The following ARFGEF3 variants were observed in gnomAD, a reference collection of about 807,000 sequenced individuals.
ARFGEF3 encodes brefeldin A-inhibited guanine nucleotide-exchange protein 3.
A neutral mutation model predicts 221.7 loss-of-function variants in ARFGEF3; 96 were observed. The observed-to-expected ratio is 0.43, with a 90% CI of 0.37 to 0.51. The LOEUF (loss-of-function observed/expected upper bound fraction) is 0.51. Ranked by LOEUF, ARFGEF3 falls within the 20% of genes least tolerant of loss-of-function variation. The pLI is 0.00. For synonymous variants in ARFGEF3, 1,145 were observed against 1,126.8 expected, an observed-to-expected ratio of 1.02 and a Z score of -0.32; for missense variants, 2,410 against 2,789.9, an observed-to-expected ratio of 0.86 and a Z score of 3.07.
chr6:138,252,329 T>C (rs2114572013), intron 8 of ARFGEF3, among the ~76,000 whole-genome samples: 1 of 152,356 alleles, frequency 6.6e-6, no homozygotes, highest in East Asian at 1.9e-4. Flanking sequence ...ACAGTATTTT[T>C]AGTGGACAGA....
At chr6:138,182,200 A>G (rs1777090235) in intron 2 of ARFGEF3, among the ~76,000 whole-genome samples, 1 of 152,096 alleles carries the variant, frequency 6.6e-6, no homozygotes, top group Admixed American at 6.5e-5. Context: ...GGGCTGCTGG[A>G]CTCCAAAAAT....
intron 2 of ARFGEF3, among the ~76,000 whole-genome samples, chr6:138,198,272 C>G (rs1777468836): frequency 6.6e-6 from 1 of 152,110 alleles, no homozygotes; most frequent in Admixed American, 6.5e-5. Flanking sequence ...TGAAAGCCTG[C>G]AGGAGAAAAG....
intron 19 of ARFGEF3, among the ~76,000 whole-genome samples, chr6:138,292,456 A>G (rs1779429359): frequency 6.6e-6 from 1 of 152,238 alleles, no homozygotes; most frequent in Non-Finnish European, 1.5e-5. Flanking sequence ...ATCCTCTATT[A>G]TGATTATGGC....
intron 2 of ARFGEF3, among the ~76,000 whole-genome samples, chr6:138,184,002 G>A (rs1035040916): frequency 3.9e-5 from 6 of 152,156 alleles, no homozygotes; most frequent in African/African-American, 1.2e-4. Context: ...CACAGGGCTC[G>A]CTCTCAGAAC....
chr6:138,325,562 G>T (rs1780111900), intron 31 of ARFGEF3, among the ~76,000 whole-genome samples: 1 of 152,242 alleles, frequency 6.6e-6, no homozygotes, highest in South Asian at 2.1e-4. Flanking sequence ...ACTTCTAGCA[G>T]CATGGCAGTT....
intron 26 of ARFGEF3, among the ~76,000 whole-genome samples, chr6:138,314,431 T>G (rs1477169202): frequency 6.6e-6 from 1 of 152,278 alleles, no homozygotes; most frequent in South Asian, 2.1e-4. Flanking sequence ...AGCATTCCAC[T>G]CTGGCCCCCA....
intron 4 of ARFGEF3, among the ~76,000 whole-genome samples, chr6:138,220,897 C>G (rs1034365551): frequency 6.6e-6 from 1 of 152,238 alleles, no homozygotes; most frequent in Admixed American, 6.5e-5. Flanking sequence ...CTAGAATTCA[C>G]TTGAAATAGT....
Position 138,263,057 on chromosome 6 carries a change from C to G in ARFGEF3, c.1574C>G (p.Pro525Arg). The G allele has an allele frequency of 1.2e-6, 2 of 1,612,936 alleles. No individual in the cohort carries two copies. The highest frequency in any genetic ancestry group is 1.7e-6 in the Non-Finnish European group (2 of 1,179,458). ...TLEGELGQTT[P>R]EDHSGNHKNS... is the part of the protein sequence containing the mutation. Reference sequence around the variant, plus strand: ...GAGGGAGAGTTGGGTCAGACTACACCCGAGGACCATTCGGGAAACCACAAG... The same window carrying G: ...GAGGGAGAGTTGGGTCAGACTACACGCGAGGACCATTCGGGAAACCACAAG... The change falls in exon 12 of 34, where the codon CCC becomes CGC. Residue 525 changes from proline to arginine, a missense_variant. This residue lies in a region of ARFGEF3 where 594 missense variants were observed against 734.3 expected (regional missense o/e 0.81). Transcript: ENST00000251691.
intron 23 of ARFGEF3, 144 bp from the exon 24 acceptor site, chr6:138,308,595 T>C: frequency 1.2e-6 from 1 of 843,250 alleles, no homozygotes; most frequent in Non-Finnish European, 1.9e-6. Context: ...GCCAAGCCAA[T>C]GGCCCAATAA....
At chr6:138,290,116 A>G in intron 18 of ARFGEF3, 148 bp downstream of exon 18, 1 of 764,132 alleles carries the variant, frequency 1.3e-6, no homozygotes, top group Non-Finnish European at 2.0e-6. Context: ...TAAACTTCAA[A>G]TGAGACGTGA....
intron 21 of ARFGEF3, 22 bp from the exon 22 acceptor site, chr6:138,298,584 C>T: frequency 6.2e-7 from 1 of 1,601,982 alleles, no homozygotes; most frequent in African/African-American, 1.3e-5. Flanking sequence ...GATGGTGAGC[C>T]ACTCTCTCGT....
intron 5 of ARFGEF3, among the ~76,000 whole-genome samples, chr6:138,234,914 G>A (rs181415699): frequency 6.6e-6 from 1 of 152,296 alleles, no homozygotes; most frequent in African/African-American, 2.4e-5. Context: ...TAATTGCACA[G>A]TTCAACAAAG....
intron 2 of ARFGEF3, among the ~76,000 whole-genome samples, chr6:138,173,953 G>A (rs932644685): frequency 2.0e-5 from 3 of 152,140 alleles, no homozygotes; most frequent in Non-Finnish European, 4.4e-5. Flanking sequence ...CAAAAGAATG[G>A]ACATTATTAT....
In ARFGEF3 at chr6:138,265,452, G is replaced by A. The variant is rs374422774; in HGVS notation, c.2128+1841G>A. ...TTGGAGTTAAATATAACAAATTTTG[G>A]ATTTTTTTATTTGTGTGTGTAACAA... On this transcript the variant is annotated intron_variant, in intron 12 of 33. Transcript: ENST00000251691. 2.6e-5 allele frequency among the ~76,000 whole-genome samples: 4 copies of A among 151,664 alleles called. No homozygotes were observed. The East Asian group carries it at 7.8e-4, about 29-fold the overall frequency.
Position 138,205,423 on chromosome 6 carries a change from G to A in ARFGEF3, c.138-1619G>A, listed in dbSNP as rs1363295187. 2.0e-5 allele frequency among the ~76,000 whole-genome samples: 3 copies of A among 152,174 alleles called. No homozygotes were observed. The East Asian group carries it at 5.8e-4, about 29-fold the overall frequency. On this transcript the variant is annotated intron_variant, in intron 2 of 33. Transcript: ENST00000251691. ...AATTTGATTGTTTCAGGGGTTTACA[G>A]ATGAAGTTCTGTGCTGCTTCTGTTA...
At chr6:138,305,772 A>T (rs917618013) in intron 22 of ARFGEF3, among the ~76,000 whole-genome samples, 1 of 152,234 alleles carries the variant, frequency 6.6e-6, no homozygotes, top group African/African-American at 2.4e-5. Context: ...AATCATCTTA[A>T]TAGATATAGA....
intron 31 of ARFGEF3, among the ~76,000 whole-genome samples, chr6:138,327,494 T>G (rs1467556641): frequency 6.6e-6 from 1 of 152,122 alleles, no homozygotes; most frequent in Non-Finnish European, 1.5e-5. Flanking sequence ...GTAGTGAAAG[T>G]ATTTTAAGTC....
In ARFGEF3 at chr6:138,187,922, A is replaced by G. The variant is rs146101688; in HGVS notation, c.137+17209A>G. On this transcript the variant is annotated intron_variant, in intron 2 of 33. Coordinates refer to ENST00000251691, the MANE Select transcript of ARFGEF3 (RefSeq NM_020340.5). The stretch of plus-strand genomic sequence containing the variant: ...CTCAACTTAGGAACCTCTCCCAATT[A>G]TACTAGGATAGGAAATGAGTGTGTG... 1.9e-3 allele frequency among the ~76,000 whole-genome samples: 292 copies of G among 152,284 alleles called. 1 individual carries two copies. The highest frequency in any genetic ancestry group is 6.6e-3 in the African/African-American group (275 of 41,538).
chr6:138,240,041 TC>T (rs1431534605), intron 6 of ARFGEF3, among the ~76,000 whole-genome samples: 1 of 152,182 alleles, frequency 6.6e-6, no homozygotes, highest in Non-Finnish European at 1.5e-5. Flanking sequence ...TGATTTTTTT[TC>T]TTTTCTGTTT....
Sources: allele counts gnomAD v4.1 joint callset (sites outside exome capture counted in the v4.1 genomes callset), GRCh38; gene constraint gnomAD v4.1.1; regional missense constraint gnomAD v4.1.1; transcripts MANE v1.5; gene names NCBI Gene and HGNC (gene_info 2026-07-23, HGNC 2026-07-21).